Variants in ANK2 observed in about 807,000 individuals in gnomAD.
The protein encoded by ANK2 is ankyrin 2, also known as ankyrin-2.
ANK2 carries 83 observed loss-of-function variants against 360.5 expected under a neutral mutation model. The ratio of observed to expected loss-of-function variants is 0.23; its 90% CI spans 0.19 to 0.28. The LOEUF is 0.28. Among genes scored for constraint, ANK2 ranks in the 10% least tolerant of loss-of-function variants. The pLI is 1.00. For missense variants in ANK2, 4,201 were observed against 4,795.7 expected, an observed-to-expected ratio of 0.88 and a Z score of 3.66; for synonymous variants, 1,740 against 1,759.5, an observed-to-expected ratio of 0.99 and a Z score of 0.28.
At chr4:112,832,330 G>C (rs2149691701) in intron 1 of ANK2, among the ~76,000 whole-genome samples, 1 of 152,280 alleles carries the variant, frequency 6.6e-6, no homozygotes, top group African/African-American at 2.4e-5. Context: ...TGTCATTACA[G>C]GCATGAGCCA....
chr4:113,236,926 A>C (rs994591565), intron 5 of ANK2, 61 bp from the exon 6 acceptor site: 30 of 1,532,154 alleles, frequency 2.0e-5, no homozygotes, highest in Non-Finnish European at 2.7e-6. Flanking sequence ...ATCATTGCTT[A>C]GAACTAAATC....
intron 23 of ANK2, among the ~76,000 whole-genome samples, chr4:113,309,526 TTTG>T (rs1230856247): frequency 6.6e-6 from 1 of 152,158 alleles, no homozygotes; most frequent in Non-Finnish European, 1.5e-5. Context: ...TTGTTTGTTT[TTTG>T]TTTTTTTGAG....
intron 4 of ANK2, among the ~76,000 whole-genome samples, chr4:113,202,654 A>G (rs2098847298): frequency 6.6e-6 from 1 of 152,216 alleles, no homozygotes; most frequent in South Asian, 2.1e-4. Context: ...AAAAACCTTC[A>G]AGGAATATAT....
rs79724595 is a variant in ANK2, at chr4:113,079,653, C to A, written c.84+29841C>A. 1.4e-4 allele frequency among the ~76,000 whole-genome samples: 21 copies of A among 152,158 alleles called. 1 individual carries two copies. In the East Asian group the frequency reaches 4.0e-3, roughly 29 times the overall value. ...AATTGATTTCTTCTTTTTTAAACTT[C>A]TTCGTTGATACCTGCCTTTCTTCTC... On this transcript the variant is annotated intron_variant, in intron 1 of 45. Transcript: ENST00000357077.
At chr4:113,287,526 A>G (rs1212112661) in intron 18 of ANK2, 79 bp from the exon 19 acceptor site, 1 of 1,118,618 alleles carries the variant, frequency 8.9e-7, no homozygotes, top group Non-Finnish European at 1.3e-6. Flanking sequence ...AATATTTTCA[A>G]TATTTTTTCA....
chr4:112,805,684 C>T, the ANK2 span, among the ~76,000 whole-genome samples: 4 of 151,092 alleles, frequency 2.6e-5, no homozygotes, highest in Non-Finnish European at 5.9e-5. Flanking sequence ...CGGGTTCAAG[C>T]GATTCTCCTG....
intron 2 of ANK2, among the ~76,000 whole-genome samples, chr4:113,037,465 A>G (rs2061863037): frequency 6.6e-6 from 1 of 151,950 alleles, no homozygotes. Flanking sequence ...TTGCAAATTA[A>G]CAGGCTGGCA....
At chr4:112,951,740 A>AG (rs1344245647) in intron 2 of ANK2, among the ~76,000 whole-genome samples, 1 of 152,248 alleles carries the variant, frequency 6.6e-6, no homozygotes, top group Non-Finnish European at 1.5e-5. Context: ...ACTTCTAATA[A>AG]GCTTTACTTA....
At chr4:112,989,289 T>C (rs990861254) in intron 2 of ANK2, among the ~76,000 whole-genome samples, 1 of 152,186 alleles carries the variant, frequency 6.6e-6, no homozygotes, top group Non-Finnish European at 1.5e-5. Context: ...TTTAATAATA[T>C]AGCAGAAACT....
chr4:112,878,164 A>ATCTATCTATCTATCTATCTC (rs2075679453), intron 1 of ANK2, among the ~76,000 whole-genome samples: 1 of 151,510 alleles, frequency 6.6e-6, no homozygotes, highest in African/African-American at 2.4e-5. Flanking sequence ...TCATCTATCT[A>ATCTATCTATCTATCTATCTC]TCTATCTATC....
At chr4:113,004,009 C>T (rs1049966823) in intron 2 of ANK2, among the ~76,000 whole-genome samples, 3 of 152,142 alleles carry the variant, frequency 2.0e-5, no homozygotes, top group African/African-American at 4.8e-5. Context: ...AATGATACAT[C>T]GGTATAGGGC....
chr4:113,101,631 G>A (rs763139149), intron 1 of ANK2, among the ~76,000 whole-genome samples: 4 of 152,020 alleles, frequency 2.6e-5, no homozygotes, highest in Admixed American at 6.6e-5. Context: ...TTGGCACCAG[G>A]AACTTGTCTT....
chr4:112,739,346 C>CTCA, the ANK2 span, among the ~76,000 whole-genome samples: 1 of 152,182 alleles, frequency 6.6e-6, no homozygotes, highest in African/African-American at 2.4e-5. Flanking sequence ...GGCTCTGTGG[C>CTCA]TCATGCCTGT....
the ANK2 span, among the ~76,000 whole-genome samples, chr4:112,754,487 G>C: frequency 1.4e-5 from 2 of 144,130 alleles, no homozygotes; most frequent in African/African-American, 5.1e-5. Flanking sequence ...CGTTGTTTTT[G>C]TTGTTTGTAT....
At chr4:113,301,365 C>T (rs1487831853) in intron 22 of ANK2, among the ~76,000 whole-genome samples, 1 of 125,224 alleles carries the variant, frequency 8.0e-6, no homozygotes, top group African/African-American at 3.2e-5. Context: ...TGGTATACAA[C>T]ATGATGTTTT....
At chr4:113,113,882 A>G (rs1285331145) in intron 1 of ANK2, among the ~76,000 whole-genome samples, 2 of 152,196 alleles carry the variant, frequency 1.3e-5, no homozygotes, top group African/African-American at 4.8e-5. Flanking sequence ...TACAAGAAGG[A>G]AAGATTTTAA....
chr4:112,969,045 C>T (rs981895951), intron 2 of ANK2, among the ~76,000 whole-genome samples: 1 of 152,130 alleles, frequency 6.6e-6, no homozygotes, highest in Non-Finnish European at 1.5e-5. Context: ...TATATGTTGT[C>T]TAATCCTCAA....
chr4:113,046,433 A>G (rs771102282), upstream of ANK2, among the ~76,000 whole-genome samples: 10 of 152,196 alleles, frequency 6.6e-5, no homozygotes, highest in Middle Eastern at 3.4e-3. Flanking sequence ...CCCCAGTGTG[A>G]TGGTGTTAGG....
chr4:112,992,662 A>G (rs2047211872), intron 2 of ANK2, among the ~76,000 whole-genome samples: 1 of 152,152 alleles, frequency 6.6e-6, no homozygotes, highest in East Asian at 1.9e-4. Context: ...GAGGGATGAC[A>G]AAAAACAAGC....
Sources: allele counts gnomAD v4.1 joint callset (sites outside exome capture counted in the v4.1 genomes callset), GRCh38; gene constraint gnomAD v4.1.1; transcripts MANE v1.5; gene names NCBI Gene and HGNC (gene_info 2026-07-23, HGNC 2026-07-21).